Variants in STARD13 observed in about 807,000 individuals in gnomAD.
STARD13 encodes the protein stAR-related lipid transfer protein 13.
A neutral mutation model predicts 106.4 loss-of-function variants in STARD13; 62 were observed. The observed-to-expected ratio is 0.58, with a 90% confidence interval of 0.48 to 0.72. STARD13 has a LOEUF of 0.72. Among genes scored for constraint, STARD13 ranks in the 30% least tolerant of loss-of-function variants. The pLI is 0.00. For missense variants in STARD13, 1,387 were observed against 1,424.0 expected (o/e 0.97, Z 0.42); for synonymous variants, 565 against 553.0 (o/e 1.02, Z -0.31).
At position 33,106,945 on chromosome 13, in the gene STARD13, A is replaced by G; in HGVS notation, c.3048-11T>C. On this transcript the variant is annotated splice_polypyrimidine_tract_variant and intron_variant, in intron 12 of 13. Coordinates refer to ENST00000336934, the MANE Select transcript of STARD13 (RefSeq NM_178006.4). The stretch of plus-strand genomic sequence containing the variant: ...TCAGTTTTCCAGGTCCTGTAGCAAA[A>G]CAATCCGCACATCAGAGTCATGACT... 6.2e-7 allele frequency: 1 copy of G among 1,608,366 alleles called. No homozygotes were observed. Among genetic ancestry groups the G allele is most frequent in the South Asian group, 1.1e-5 (1 of 90,004 alleles).
the STARD13 span, among the ~76,000 whole-genome samples, chr13:33,644,550 G>A: frequency 6.6e-6 from 1 of 151,676 alleles, no homozygotes; most frequent in Admixed American, 6.6e-5. Flanking sequence ...AGAGGAGACA[G>A]AGAAAAACAG....
the STARD13 span, among the ~76,000 whole-genome samples, chr13:33,407,656 C>T: frequency 6.6e-6 from 1 of 152,210 alleles, no homozygotes. Flanking sequence ...GGGTCTTCAG[C>T]ATCCTTATTT....
the STARD13 span, among the ~76,000 whole-genome samples, chr13:33,661,989 G>A: frequency 1.5e-4 from 23 of 151,954 alleles, no homozygotes; most frequent in African/African-American, 3.1e-4. Flanking sequence ...TTGGCTGGTC[G>A]CGGTGGCTCA....
At chr13:33,515,619 T>G in the STARD13 span, among the ~76,000 whole-genome samples, 1 of 152,156 alleles carries the variant, frequency 6.6e-6, no homozygotes, top group Non-Finnish European at 1.5e-5. Context: ...TGTATCAGCT[T>G]GTTGGTAGTG....
At chr13:33,644,907 T>C in the STARD13 span, among the ~76,000 whole-genome samples, 1 of 152,144 alleles carries the variant, frequency 6.6e-6, no homozygotes, top group African/African-American at 2.4e-5. Flanking sequence ...ACTTGCATCA[T>C]TAGAGTACAA....
At chr13:33,364,892 A>AG in the STARD13 span, among the ~76,000 whole-genome samples, 2 of 152,186 alleles carry the variant, frequency 1.3e-5, no homozygotes, top group Non-Finnish European at 2.9e-5. Context: ...CCGTCTCAAA[A>AG]AAAAAGAAAC....
chr13:33,637,656 G>A, the STARD13 span, among the ~76,000 whole-genome samples: 32,208 of 152,050 alleles, frequency 0.21, 7,455 homozygotes, highest in African/African-American at 0.56. Context: ...TTTTCTATCA[G>A]GCTTCTTAGC....
the STARD13 span, among the ~76,000 whole-genome samples, chr13:33,447,153 C>CCAAG: frequency 1.8e-3 from 277 of 152,268 alleles, no homozygotes; most frequent in African/African-American, 6.4e-3. Flanking sequence ...AAACAAGGAT[C>CCAAG]CAAGGAATTT....
At chr13:33,241,159 T>G (rs974042166) in intron 1 of STARD13, among the ~76,000 whole-genome samples, 3 of 152,212 alleles carry the variant, frequency 2.0e-5, no homozygotes, top group Non-Finnish European at 4.4e-5. Context: ...ATGAAATTGT[T>G]TTGTAAACTA....
At chr13:33,260,557 AG>A (rs1197880499) in intron 1 of STARD13, among the ~76,000 whole-genome samples, 1 of 152,214 alleles carries the variant, frequency 6.6e-6, no homozygotes, top group Non-Finnish European at 1.5e-5. Flanking sequence ...AAAGCATGGC[AG>A]ACACTTTCCT....
intron 8 of STARD13, among the ~76,000 whole-genome samples, chr13:33,117,161 T>G (rs1350780306): frequency 6.6e-6 from 1 of 152,196 alleles, no homozygotes; most frequent in African/African-American, 2.4e-5. Flanking sequence ...CAGGCCGGAG[T>G]GCAGTGGTGC....
chr13:33,159,194 G>A (rs747587678), intron 3 of STARD13, among the ~76,000 whole-genome samples: 6 of 151,966 alleles, frequency 3.9e-5, no homozygotes, highest in Non-Finnish European at 5.9e-5. Flanking sequence ...TCCTGCTACG[G>A]GCTATATCAT....
chr13:33,294,003 T>C (rs976338190), intron 1 of STARD13, among the ~76,000 whole-genome samples: 42 of 152,304 alleles, frequency 2.8e-4, no homozygotes, highest in African/African-American at 6.7e-4. Flanking sequence ...GACATGTATT[T>C]CACTTTGTTG....
chr13:33,241,928 A>G (rs1398745392), intron 1 of STARD13, among the ~76,000 whole-genome samples: 1 of 152,168 alleles, frequency 6.6e-6, no homozygotes, highest in African/African-American at 2.4e-5. Context: ...GGCCTCCCAA[A>G]GTGCAGAGAT....
At chr13:33,215,326 T>A (rs1314421086) in intron 1 of STARD13, among the ~76,000 whole-genome samples, 1 of 152,170 alleles carries the variant, frequency 6.6e-6, no homozygotes, top group Non-Finnish European at 1.5e-5. Context: ...CCTCAAAGGC[T>A]AACAAGTGCT....
chr13:33,112,589 CCTATCTAT>C lies in STARD13; in HGVS notation c.2492+124_2492+131del. 4 of 729,486 alleles carry C rather than the reference CCTATCTAT, an allele frequency of 5.5e-6. No individual in the cohort carries two copies. The South Asian group carries it at 8.6e-5, about 16-fold the overall frequency. 45.2% of individuals were successfully genotyped at this position (729,486 alleles called of 1,614,324 possible). On this transcript the variant is annotated intron_variant, in intron 9 of 13. Coordinates refer to ENST00000336934, the MANE Select transcript of STARD13 (RefSeq NM_178006.4). ...TACCTATCGTTGATCTATCTACCTA[CCTATCTAT>C]CTATAATCTGTCTACCAATATATCC... is the stretch of plus-strand genomic sequence containing the variant.
chr13:33,554,565 C>A, the STARD13 span, among the ~76,000 whole-genome samples: 1 of 152,132 alleles, frequency 6.6e-6, no homozygotes, highest in Non-Finnish European at 1.5e-5. Flanking sequence ...TATCAAATAT[C>A]TGCTATTATT....
chr13:33,619,397 A>T, the STARD13 span, among the ~76,000 whole-genome samples: 1 of 152,250 alleles, frequency 6.6e-6, no homozygotes, highest in Non-Finnish European at 1.5e-5. Flanking sequence ...ATTGAACAGC[A>T]GGGAAAACTG....
chr13:33,586,949 C>T, the STARD13 span, among the ~76,000 whole-genome samples: 15 of 152,156 alleles, frequency 9.9e-5, no homozygotes, highest in African/African-American at 3.6e-4. Context: ...CACGGTGGCT[C>T]ACGCCTGTAA....
Sources: gnomAD v4.1 joint callset for allele counts (sites outside exome capture counted in the v4.1 genomes callset) on GRCh38, gnomAD v4.1.1 for gene constraint, MANE v1.5 for transcripts, NCBI Gene and HGNC (gene_info 2026-07-23, HGNC 2026-07-21) for gene names.